PLD5: variants seen among roughly 807,000 people sequenced by gnomAD.
PLD5 encodes the protein inactive phospholipase D5.
PLD5 carries 36 observed loss-of-function variants against 61.1 expected under a neutral mutation model. That is an observed-to-expected ratio of 0.59 (90% CI 0.45 to 0.78). The LOEUF (loss-of-function observed/expected upper bound fraction) is 0.78, where lower values mean the gene tolerates loss of function less well. PLD5 is among the 30% of genes least tolerant of loss of function. PLD5 has a pLI of 0.00. For missense variants in PLD5, 515 were observed against 644.4 expected (o/e 0.80, Z 2.17); for synonymous variants, 243 against 242.8 (o/e 1.00, Z -0.01).
chr1:242,277,442 T>C (rs563717595), intron 3 of PLD5, among the ~76,000 whole-genome samples: 11 of 109,408 alleles, frequency 1.0e-4, no homozygotes, highest in Middle Eastern at 4.0e-3. Context: ...TATCCTTACA[T>C]TTTGAGAATT....
chr1:242,294,315 G>A (rs2653183), intron 2 of PLD5, among the ~76,000 whole-genome samples: 39 of 152,114 alleles, frequency 2.6e-4, no homozygotes, highest in African/African-American at 8.9e-4. Context: ...AATAGAATTC[G>A]AACTGTTCTT....
chr1:242,433,370 T>G (rs1665824182), intron 1 of PLD5, among the ~76,000 whole-genome samples: 1 of 152,190 alleles, frequency 6.6e-6, no homozygotes, highest in Non-Finnish European at 1.5e-5. Flanking sequence ...CCTGCCAGGC[T>G]TTTGTACAAT....
chr1:242,437,012 A>C (rs1572149796), intron 1 of PLD5, among the ~76,000 whole-genome samples: 1 of 152,184 alleles, frequency 6.6e-6, no homozygotes, highest in Non-Finnish European at 1.5e-5. Context: ...TCAGGGCACC[A>C]AACCAGGAGT....
At chr1:242,139,610 C>T (rs1301462267) in intron 5 of PLD5, among the ~76,000 whole-genome samples, 1 of 152,076 alleles carries the variant, frequency 6.6e-6, no homozygotes, top group Non-Finnish European at 1.5e-5. Flanking sequence ...TGCACACGGG[C>T]TCCTCTCCCT....
At chr1:242,150,806 C>T (rs1664871785) in intron 5 of PLD5, among the ~76,000 whole-genome samples, 1 of 151,750 alleles carries the variant, frequency 6.6e-6, no homozygotes, top group Non-Finnish European at 1.5e-5. Flanking sequence ...GTATTAATGA[C>T]ATGATTAGAT....
chr1:242,492,228 G>A (rs1396772637), intron 1 of PLD5, among the ~76,000 whole-genome samples: 1 of 151,950 alleles, frequency 6.6e-6, no homozygotes, highest in African/African-American at 2.4e-5. Context: ...TAGTGTACAC[G>A]GTGGCCAGGC....
intron 5 of PLD5, among the ~76,000 whole-genome samples, chr1:242,142,228 C>G (rs1160085054): frequency 6.6e-6 from 1 of 152,200 alleles, no homozygotes; most frequent in East Asian, 1.9e-4. Context: ...TACTCCAGAA[C>G]TATCTGCTGT....
chr1:242,199,399 C>T (rs1668843552), intron 5 of PLD5, among the ~76,000 whole-genome samples: 1 of 151,964 alleles, frequency 6.6e-6, no homozygotes, highest in Non-Finnish European at 1.5e-5. Context: ...GGATTACAGG[C>T]GCCCGCCACC....
intron 5 of PLD5, among the ~76,000 whole-genome samples, chr1:242,145,183 T>TC (rs1165791163): frequency 6.6e-6 from 1 of 152,072 alleles, no homozygotes; most frequent in African/African-American, 2.4e-5. Flanking sequence ...ATGCTCTGTA[T>TC]CCCCCTGGGT....
intron 1 of PLD5, among the ~76,000 whole-genome samples, chr1:242,508,006 T>TC (rs1364991072): frequency 3.4e-5 from 5 of 145,822 alleles, no homozygotes; most frequent in African/African-American, 1.0e-4. Context: ...TTTTTTTTTT[T>TC]CCAATGCCGA....
At chr1:242,326,267 A>T (rs1658770209) in intron 2 of PLD5, among the ~76,000 whole-genome samples, 1 of 152,122 alleles carries the variant, frequency 6.6e-6, no homozygotes, top group African/African-American at 2.4e-5. Flanking sequence ...CTGGTTTCTG[A>T]AAGTCACAAG....
intron 5 of PLD5, among the ~76,000 whole-genome samples, chr1:242,138,468 A>G (rs1253962390): frequency 1.3e-5 from 2 of 152,098 alleles, no homozygotes; most frequent in Admixed American, 1.3e-4. Flanking sequence ...CACATTCTTT[A>G]TTAGAAATCC....
At chr1:242,449,277 C>T in intron 1 of PLD5, 2 of 1,522,538 alleles carry the variant, frequency 1.3e-6, no homozygotes, top group Non-Finnish European at 1.8e-6. Flanking sequence ...CTACCAACAG[C>T]CATTTTCACC....
At chr1:242,465,883 C>T (rs965040129) in intron 1 of PLD5, among the ~76,000 whole-genome samples, 5 of 152,144 alleles carry the variant, frequency 3.3e-5, no homozygotes, top group Admixed American at 6.5e-5. Flanking sequence ...GAGCCGAGAT[C>T]GTGCCACTGC....
At chr1:242,384,553 A>C (rs1223878873) in intron 1 of PLD5, among the ~76,000 whole-genome samples, 1 of 152,238 alleles carries the variant, frequency 6.6e-6, no homozygotes, top group African/African-American at 2.4e-5. Context: ...TATGCCTTCC[A>C]AGTGAATTAA....
chr1:242,529,746 C>G, the PLD5 span, among the ~76,000 whole-genome samples: 1 of 149,734 alleles, frequency 6.7e-6, no homozygotes, highest in Non-Finnish European at 1.5e-5. Flanking sequence ...AATTTACTTA[C>G]ACAAGGAGAA....
rs192994500 is a variant in PLD5 at position 242,503,485 on chromosome 1, C to A, written c.189+20603G>T. On this transcript the variant is annotated intron_variant, in intron 1 of 9. Coordinates refer to ENST00000536534, the MANE Select transcript of PLD5 (RefSeq NM_001372062.1). ...CTTTTCTTTGTAAATGACCAAATCTCATTTATTTCTTTATAGCAATGCAAA... is the reference window on the plus strand; with the variant it reads ...CTTTTCTTTGTAAATGACCAAATCTAATTTATTTCTTTATAGCAATGCAAA... 3.9e-5 allele frequency among the ~76,000 whole-genome samples: 6 copies of A among 152,282 alleles called. No individual in the cohort carries two copies. In the East Asian group the frequency reaches 1.2e-3, roughly 29 times the overall value.
intron 4 of PLD5, among the ~76,000 whole-genome samples, chr1:242,224,944 C>T (rs528094189): frequency 6.6e-6 from 1 of 152,134 alleles, no homozygotes; most frequent in South Asian, 2.1e-4. Context: ...GTCATCGTCC[C>T]CAGGCTTCTT....
At chr1:242,350,414 T>C (rs1298780383) in intron 1 of PLD5, among the ~76,000 whole-genome samples, 1 of 139,728 alleles carries the variant, frequency 7.2e-6, no homozygotes, top group Non-Finnish European at 1.5e-5. Flanking sequence ...CTGTTAGTGA[T>C]AAATATATGT....
Sources: allele counts gnomAD v4.1 joint callset (sites outside exome capture counted in the v4.1 genomes callset), GRCh38; gene constraint gnomAD v4.1.1; transcripts MANE v1.5; gene names NCBI Gene and HGNC (gene_info 2026-07-23, HGNC 2026-07-21).